Variants in CACNA1C observed in about 807,000 individuals in gnomAD.
CACNA1C encodes the protein calcium voltage-gated channel subunit alpha1 C.
A neutral mutation model predicts 229.0 loss-of-function variants in CACNA1C; 30 were observed. The observed-to-expected ratio is 0.13, with a 90% CI of 0.10 to 0.18. CACNA1C has a LOEUF of 0.18. Ranked by LOEUF, CACNA1C falls within the 10% of genes least tolerant of loss-of-function variation. The pLI, the probability that CACNA1C is intolerant of heterozygous loss-of-function variation, is 1.00. For synonymous variants in CACNA1C, 1,114 were observed against 1,132.5 expected, an observed-to-expected ratio of 0.98 and a Z score of 0.33; for missense variants, 1,658 against 2,845.0, an observed-to-expected ratio of 0.58 and a Z score of 9.49.
intron 3 of CACNA1C, among the ~76,000 whole-genome samples, chr12:2,246,186 T>G (rs537340243): frequency 4.3e-4 from 66 of 152,098 alleles, no homozygotes; most frequent in African/African-American, 1.6e-3. Context: ...GTGGGGACAG[T>G]TAAGGTGAAC....
Position 2,679,698 on chromosome 12 carries a change from C to G in CACNA1C, c.5346C>G (p.Ala1782=), listed in dbSNP as rs369254461. 5.6e-6 allele frequency: 9 copies of G among 1,611,710 alleles called. No individual in the cohort carries two copies. The highest frequency in any genetic ancestry group is 7.6e-6 in the Non-Finnish European group (9 of 1,178,964). Residue 1782 remains alanine (A), a synonymous_variant, in exon 42 of 47, where the codon GCC becomes GCG. Transcript: ENST00000399655. This position sits in a 1 kb window ranked among gnomAD's most constrained non-coding sequence, Gnocchi z 5.5. The part of the protein sequence containing the change: ...NTALGRLPRP[A]GYPSTVSTVE... ...CCCTGGGTCGCCTCCCTCGCCCCGC[C>G]GGCTACCCCAGCACGGTCAGCACTG...
rs1452470701 is a variant in CACNA1C, at chr12:2,608,397, C to T, written c.3357-114C>T. 33 of 744,578 alleles carry T rather than the reference C, an allele frequency of 4.4e-5. No individual in the cohort carries two copies. The highest frequency in any genetic ancestry group is 6.0e-5 in the Non-Finnish European group (28 of 467,118). The allele number at this position is 744,578 out of a possible 1,614,324, so 46.1% of individuals were successfully genotyped here. A position where few individuals can be genotyped will look rare whatever the true frequency, so the allele number is the denominator to read the frequency against. ...AAGAGGCCGAGCTGGGACTCCAGCC[C>T]AGAGCTGTCTCCTGCACCCTGATCC... On this transcript the variant is annotated intron_variant, in intron 26 of 46. Transcript: ENST00000399655. This position sits in a 1 kb window ranked among gnomAD's most constrained non-coding sequence, Gnocchi z 4.2.
intron 3 of CACNA1C, among the ~76,000 whole-genome samples, chr12:2,207,365 TTGTGATAGTTTG>T (rs1313046173): frequency 6.6e-6 from 1 of 152,242 alleles, no homozygotes; most frequent in African/African-American, 2.4e-5. Flanking sequence ...GTTATATTCA[TTGTGATAGTTTG>T]TGTGATAGTT....
intron 1 of CACNA1C, among the ~76,000 whole-genome samples, chr12:1,987,111 CT>C (rs1375131286): frequency 1.3e-5 from 2 of 152,152 alleles, no homozygotes; most frequent in Non-Finnish European, 2.9e-5. Flanking sequence ...AAAAAAAGAA[CT>C]TACAGGAACT....
intron 3 of CACNA1C, among the ~76,000 whole-genome samples, chr12:2,324,906 C>T (rs1258687855): frequency 6.6e-6 from 1 of 152,202 alleles, no homozygotes; most frequent in African/African-American, 2.4e-5. Context: ...GGATAGCTTT[C>T]TGTAAGCTAT....
intron 3 of CACNA1C, among the ~76,000 whole-genome samples, chr12:2,290,188 A>G (rs559331329): frequency 1.3e-5 from 2 of 152,336 alleles, no homozygotes; most frequent in South Asian, 2.1e-4. Context: ...GGTGGTAAGC[A>G]TGGACAGGTG....
At chr12:2,088,145 G>A (rs1429230133) in intron 1 of CACNA1C, among the ~76,000 whole-genome samples, 1 of 152,196 alleles carries the variant, frequency 6.6e-6, no homozygotes, top group Non-Finnish European at 1.5e-5. Flanking sequence ...AACATCCTAT[G>A]GGAATTCAAA....
At chr12:2,434,758 C>T (rs867186578) in intron 3 of CACNA1C, among the ~76,000 whole-genome samples, 15 of 152,182 alleles carry the variant, frequency 9.9e-5, no homozygotes, top group South Asian at 2.1e-4. Context: ...CTGAAGGCCA[C>T]GTTTGATAGT....
In CACNA1C at chr12:2,436,263, A is replaced by C. The variant is rs112394725; in HGVS notation, c.478-12713A>C. ...TCCTTGTCAGAAATTCACTGCTCAG[A>C]AATTCCTTCATCCCTTGAAGGTAGG... On this transcript the variant is annotated intron_variant, in intron 3 of 46. Transcript: ENST00000399655. 9.0e-4 allele frequency among the ~76,000 whole-genome samples: 137 copies of C among 152,332 alleles called. 1 individual carries two copies. The highest frequency in any genetic ancestry group is 3.2e-3 in the African/African-American group (132 of 41,578).
intron 1 of CACNA1C, among the ~76,000 whole-genome samples, chr12:2,093,716 G>A (rs986056097): frequency 6.6e-6 from 1 of 152,156 alleles, no homozygotes; most frequent in Non-Finnish European, 1.5e-5. Context: ...GGGCAGCTTC[G>A]TAACTCTTTG....
At chr12:2,254,365 G>A (rs1292128901) in intron 3 of CACNA1C, among the ~76,000 whole-genome samples, 1 of 152,174 alleles carries the variant, frequency 6.6e-6, no homozygotes, top group Non-Finnish European at 1.5e-5. Flanking sequence ...GTCTGTAGTG[G>A]CCCTTCCATT....
In CACNA1C at chr12:2,277,358, G is replaced by C. The variant is rs149715368; in HGVS notation, c.477+156928G>C. Among the ~76,000 whole-genome samples the C allele has an allele frequency of 1.5e-3, 121 of 82,990 alleles. 1 individual carries two copies. Among genetic ancestry groups the C allele is most frequent in the Admixed American group, 7.6e-3 (59 of 7,780 alleles). The allele number at this position is 82,990 out of a possible 152,430, so 54.4% of individuals were successfully genotyped here. On this transcript the variant is annotated intron_variant, in intron 3 of 46. Coordinates refer to ENST00000399655, the MANE Select transcript of CACNA1C (RefSeq NM_000719.7). Reference sequence around the variant, plus strand: ...AGACAGACAGACAGACAGACAGACAGACAGACACACACACACACACACACA... The same window carrying C: ...AGACAGACAGACAGACAGACAGACACACAGACACACACACACACACACACA...
chr12:1,979,510 CCATGTTGGCCAGG>C (rs2154463841), intron 1 of CACNA1C, among the ~76,000 whole-genome samples: 1 of 152,204 alleles, frequency 6.6e-6, no homozygotes, highest in South Asian at 2.1e-4. Flanking sequence ...GGGGGTTTCA[CCATGTTGGCCAGG>C]CTCGTCTCGA....
chr12:2,380,806 G>A (rs1225998418), intron 3 of CACNA1C, among the ~76,000 whole-genome samples: 2 of 152,154 alleles, frequency 1.3e-5, no homozygotes, highest in Non-Finnish European at 2.9e-5. Context: ...AACATGACTG[G>A]CCTCTTTGGG....
At position 2,665,805 on chromosome 12, in the gene CACNA1C, G is replaced by T; in HGVS notation, c.4526+97G>T. 4 of 1,220,672 alleles carry T rather than the reference G, an allele frequency of 3.3e-6. No individual in the cohort carries two copies. The highest frequency in any genetic ancestry group is 4.5e-6 in the Non-Finnish European group (4 of 887,402). The allele number at this position is 1,220,672 out of a possible 1,614,324, so 75.6% of individuals were successfully genotyped here. A position where few individuals can be genotyped will look rare whatever the true frequency, so the allele number is the denominator to read the frequency against. On this transcript the variant is annotated intron_variant, in intron 36 of 46. Transcript: ENST00000399655. The surrounding 1 kb of genome is among the most constrained non-coding windows in gnomAD (Gnocchi z 5.9). ...GCTCAAGGTTGGCCAACACTGGGTG[G>T]ATCAATTAGAAACACTGGATTGTAT...
At chr12:2,450,453 C>T (rs947830686) in intron 4 of CACNA1C, among the ~76,000 whole-genome samples, 2 of 144,540 alleles carry the variant, frequency 1.4e-5, no homozygotes, top group Non-Finnish European at 1.5e-5. Context: ...ACTCGGGAGG[C>T]TGAGGCAGGA....
intron 29 of CACNA1C, among the ~76,000 whole-genome samples, chr12:2,616,998 A>C (rs550167771): frequency 6.6e-6 from 1 of 152,380 alleles, no homozygotes; most frequent in East Asian, 1.9e-4. Flanking sequence ...ATCAGCTAAG[A>C]ATGGGGCAGC....
At chr12:2,151,720 G>A (rs1002153743) in intron 3 of CACNA1C, among the ~76,000 whole-genome samples, 2 of 152,158 alleles carry the variant, frequency 1.3e-5, no homozygotes, top group African/African-American at 4.8e-5. Context: ...TGAAGAGAGT[G>A]TTACAAAAAA....
chr12:2,033,282 G>A (rs1374894703), intron 1 of CACNA1C, among the ~76,000 whole-genome samples: 6 of 152,114 alleles, frequency 3.9e-5, no homozygotes, highest in Non-Finnish European at 5.9e-5. Flanking sequence ...CCCCCATGAT[G>A]CCCGCCCTCT....
Sources: allele counts gnomAD v4.1 joint callset (sites outside exome capture counted in the v4.1 genomes callset), GRCh38; gene constraint gnomAD v4.1.1; non-coding constraint Gnocchi (gnomAD v3.1); transcripts MANE v1.5; gene names NCBI Gene and HGNC (gene_info 2026-07-23, HGNC 2026-07-21).